ARHGEF10: variants seen among roughly 807,000 people sequenced by gnomAD.
ARHGEF10 encodes Rho guanine nucleotide exchange factor 10, also known as Rho guanine nucleotide exchange factor (GEF) 10.
A neutral mutation model predicts 147.4 loss-of-function variants in ARHGEF10; 140 were observed. The ratio of observed to expected loss-of-function variants is 0.95; its 90% CI spans 0.83 to 1.09. ARHGEF10 has a LOEUF of 1.09. Ranked by LOEUF, ARHGEF10 falls within the 50% of genes least tolerant of loss-of-function variation. ARHGEF10 has a pLI of 0.00. For missense variants in ARHGEF10, 2,222 were observed against 1,752.7 expected (o/e 1.27, Z -4.78); for synonymous variants, 902 against 695.8 (o/e 1.30, Z -4.67).
intron 1 of ARHGEF10, chr8:1,826,123 G>A: frequency 1.3e-6 from 2 of 1,594,644 alleles, no homozygotes; most frequent in Non-Finnish European, 1.7e-6. Context: ...GAGACCTCCA[G>A]GATTTCTCAG....
intron 1 of ARHGEF10, among the ~76,000 whole-genome samples, chr8:1,842,631 GCA>G: frequency 6.6e-6 from 1 of 152,242 alleles, no homozygotes; most frequent in Non-Finnish European, 1.5e-5. Flanking sequence ...TGGAGCCGAG[GCA>G]GCTGGAGAGT....
Position 1,894,573 on chromosome 8 carries a change from G to A in ARHGEF10, c.1440+1G>A, listed in dbSNP as rs759910119. 3 of 1,613,954 alleles carry A rather than the reference G, an allele frequency of 1.9e-6. No homozygotes were observed. Among genetic ancestry groups the A allele is most frequent in the Admixed American group, 1.7e-5 (1 of 60,014 alleles). On this transcript the variant is annotated splice_donor_variant, in intron 13 of 28. Coordinates refer to ENST00000349830, the MANE Select transcript of ARHGEF10 (RefSeq NM_014629.4). LOFTEE classifies it high-confidence loss of function. ...GATAGGCGATGTCTTCGTGGCTTCG[G>A]TAATTAAGCTGGGACACCTGGATGT...
rs928781058 is a variant in ARHGEF10, at chr8:1,945,481, G to A, written c.3223G>A (p.Gly1075Ser). The change falls in exon 27 of 29, where the codon GGT becomes AGT. Residue 1075 changes from glycine to serine, a missense_variant and splice_region_variant. Transcript: ENST00000349830. Reference sequence around the variant, plus strand: ...CAGACTTGACCTCTCGATTTCACAGGGTCAGCTGGAGGCCCACCAGGAGGA... The same window carrying A: ...CAGACTTGACCTCTCGATTTCACAGAGTCAGCTGGAGGCCCACCAGGAGGA... ...IISVETHAVE[G>S]QLEAHQEEGM... 7 of 1,593,870 alleles carry A rather than the reference G, an allele frequency of 4.4e-6. No individual in the cohort carries two copies. Among genetic ancestry groups the A allele is most frequent in the African/African-American group, 4.0e-5 (3 of 74,276 alleles).
At chr8:1,910,846 A>G (rs1811303164) in intron 18 of ARHGEF10, among the ~76,000 whole-genome samples, 1 of 152,220 alleles carries the variant, frequency 6.6e-6, no homozygotes, top group African/African-American at 2.4e-5. Context: ...AGATGGCCTT[A>G]TTGTATTTAA....
At chr8:1,831,799 T>C (rs2129035451) in intron 1 of ARHGEF10, among the ~76,000 whole-genome samples, 1 of 152,302 alleles carries the variant, frequency 6.6e-6, no homozygotes, top group Middle Eastern at 3.4e-3. Flanking sequence ...CACTTTTCAG[T>C]GTGTTGACTT....
intron 18 of ARHGEF10, among the ~76,000 whole-genome samples, chr8:1,913,713 G>A (rs79185385): frequency 0.014 from 2,111 of 152,310 alleles, 57 homozygotes; most frequent in African/African-American, 0.048. Context: ...TGCAGCAAGA[G>A]GGGAAGTCCA....
chr8:1,857,396 C>T (rs1018890946), intron 2 of ARHGEF10, among the ~76,000 whole-genome samples: 2 of 151,652 alleles, frequency 1.3e-5, no homozygotes, highest in African/African-American at 4.8e-5. Context: ...GCTCTTTTTT[C>T]CCCTTACTTT....
At chr8:1,856,905 CG>C (rs1585282255) in intron 2 of ARHGEF10, among the ~76,000 whole-genome samples, 2 of 152,134 alleles carry the variant, frequency 1.3e-5, no homozygotes, top group South Asian at 4.1e-4. Flanking sequence ...CTGGGTGTGC[CG>C]GGTGGTGTTG....
chr8:1,920,470 G>A lies in ARHGEF10; in HGVS notation c.2144-2494G>A, dbSNP rs537017600. On this transcript the variant is annotated intron_variant, in intron 18 of 28. Coordinates refer to ENST00000349830, the MANE Select transcript of ARHGEF10 (RefSeq NM_014629.4). ...CCCAAGTATTTGGGACTACAGGCGC[G>A]CATCACAATGCCTGGCTAATTTTTT... 2.3e-4 allele frequency among the ~76,000 whole-genome samples: 34 copies of A among 150,194 alleles called. No individual in the cohort carries two copies. In the East Asian group the frequency reaches 4.6e-3, roughly 20 times the overall value.
chr8:1,911,381 A>T (rs1215884954), intron 18 of ARHGEF10, among the ~76,000 whole-genome samples: 3 of 152,210 alleles, frequency 2.0e-5, no homozygotes, highest in Non-Finnish European at 4.4e-5. Context: ...AATGCCTTAA[A>T]CAGAGAGCTT....
At chr8:1,835,307 T>C (rs1475171988) in intron 1 of ARHGEF10, among the ~76,000 whole-genome samples, 1 of 152,168 alleles carries the variant, frequency 6.6e-6, no homozygotes, top group Non-Finnish European at 1.5e-5. Context: ...CTGCCCCAGG[T>C]GCATCTCTGA....
intron 27 of ARHGEF10, among the ~76,000 whole-genome samples, chr8:1,946,336 C>T (rs1045953901): frequency 1.3e-5 from 2 of 152,212 alleles, no homozygotes; most frequent in Non-Finnish European, 2.9e-5. Context: ...AAGGGCTCTG[C>T]CTCCGAGCCC....
At chr8:1,855,885 T>C (rs1805513748) in intron 2 of ARHGEF10, among the ~76,000 whole-genome samples, 2 of 151,928 alleles carry the variant, frequency 1.3e-5, no homozygotes, top group African/African-American at 4.8e-5. Context: ...ATTCACCAGT[T>C]CATTTCCATA....
chr8:1,837,898 C>T (rs1430220653), intron 1 of ARHGEF10, among the ~76,000 whole-genome samples: 1 of 152,116 alleles, frequency 6.6e-6, no homozygotes, highest in Non-Finnish European at 1.5e-5. Flanking sequence ...GTGGTGAGGA[C>T]TCGGGGTCGT....
chr8:1,932,235 G>A (rs1813203997), intron 25 of ARHGEF10, among the ~76,000 whole-genome samples: 2 of 149,008 alleles, frequency 1.3e-5, no homozygotes, highest in Admixed American at 6.8e-5. Flanking sequence ...AGATGGGAAG[G>A]CCCATGCACA....
chr8:1,864,632 G>A (rs565673127), intron 5 of ARHGEF10, among the ~76,000 whole-genome samples, 196 bp downstream of exon 5: 1 of 152,252 alleles, frequency 6.6e-6, no homozygotes, highest in African/African-American at 2.4e-5. Flanking sequence ...AGTGGACTGA[G>A]GGTCTGATAA....
At chr8:1,875,657 C>A (rs1807636693) in intron 7 of ARHGEF10, among the ~76,000 whole-genome samples, 1 of 152,172 alleles carries the variant, frequency 6.6e-6, no homozygotes, top group South Asian at 2.1e-4. Context: ...TTTGGAGGAC[C>A]TGTTTTGTAG....
chr8:1,915,148 A>G (rs1811663487), intron 18 of ARHGEF10, among the ~76,000 whole-genome samples: 1 of 152,160 alleles, frequency 6.6e-6, no homozygotes, highest in South Asian at 2.1e-4. Context: ...CTGTATGCTG[A>G]GAAAGGCCTT....
At chr8:1,954,717 A>C (rs556164068) in intron 28 of ARHGEF10, among the ~76,000 whole-genome samples, 1 of 152,158 alleles carries the variant, frequency 6.6e-6, no homozygotes, top group South Asian at 2.1e-4. Flanking sequence ...TTTTACGTCA[A>C]TTATTCCTTT....
Sources: allele counts gnomAD v4.1 joint callset (sites outside exome capture counted in the v4.1 genomes callset), GRCh38; gene constraint gnomAD v4.1.1; transcripts MANE v1.5; gene names NCBI Gene and HGNC (gene_info 2026-07-23, HGNC 2026-07-21).